ABTB3: variants seen among roughly 807,000 people sequenced by gnomAD.
The protein encoded by ABTB3 is ankyrin repeat- and BTB/POZ domain-containing protein 3.
At chr12:107,515,833 A>T in the ABTB3 span, among the ~76,000 whole-genome samples, 1 of 152,186 alleles carries the variant, frequency 6.6e-6, no homozygotes, top group African/African-American at 2.4e-5. Context: ...AATCTGTGTC[A>T]TAGCCCACAG....
At chr12:107,488,363 A>G in the ABTB3 span, among the ~76,000 whole-genome samples, 1 of 152,188 alleles carries the variant, frequency 6.6e-6, no homozygotes, top group South Asian at 2.1e-4. Context: ...TATGAATTAT[A>G]TCTCAGTAAA....
chr12:107,349,315 G>T, the ABTB3 span, among the ~76,000 whole-genome samples: 1 of 152,218 alleles, frequency 6.6e-6, no homozygotes. Context: ...CCAAGAGGAG[G>T]AATGTGGGGC....
the ABTB3 span, among the ~76,000 whole-genome samples, chr12:107,568,182 T>G: frequency 6.6e-6 from 1 of 152,212 alleles, no homozygotes; most frequent in Non-Finnish European, 1.5e-5. Flanking sequence ...CAAATAATTG[T>G]GATATTCTGT....
the ABTB3 span, chr12:107,581,078 G>C: frequency 6.5e-7 from 1 of 1,545,394 alleles, no homozygotes; most frequent in East Asian, 2.5e-5. Context: ...CGAGCAGGGG[G>C]TGGGGCCAAG....
At chr12:107,318,665 GC>G in the ABTB3 span, 1 of 446,972 alleles carries the variant, frequency 2.2e-6, no homozygotes. Flanking sequence ...AAAGGGGCAA[GC>G]CCCGGCGGGA....
the ABTB3 span, chr12:107,610,529 A>G: frequency 4.9e-5 from 32 of 646,954 alleles, no homozygotes; most frequent in Non-Finnish European, 2.0e-5. Flanking sequence ...AATATCTTAT[A>G]AAAATACTGT....
chr12:107,519,986 A>C, the ABTB3 span, among the ~76,000 whole-genome samples: 1 of 152,182 alleles, frequency 6.6e-6, no homozygotes. Flanking sequence ...AGCTCCACAG[A>C]GAAAGCCAGA....
chr12:107,532,407 A>G, the ABTB3 span, among the ~76,000 whole-genome samples: 1 of 152,240 alleles, frequency 6.6e-6, no homozygotes, highest in Non-Finnish European at 1.5e-5. Context: ...TAAGCTAGTG[A>G]GGAACATGCA....
At chr12:107,541,449 C>G in the ABTB3 span, among the ~76,000 whole-genome samples, 1 of 152,202 alleles carries the variant, frequency 6.6e-6, no homozygotes, top group Non-Finnish European at 1.5e-5. Context: ...CTCTCTTTCT[C>G]TGTAGCGAGA....
At chr12:107,512,354 C>G in the ABTB3 span, among the ~76,000 whole-genome samples, 1 of 152,158 alleles carries the variant, frequency 6.6e-6, no homozygotes, top group Non-Finnish European at 1.5e-5. Context: ...CTGTGAGCTT[C>G]CTAGTAGGAG....
the ABTB3 span, among the ~76,000 whole-genome samples, chr12:107,623,503 A>C: frequency 6.6e-6 from 1 of 151,110 alleles, no homozygotes; most frequent in Non-Finnish European, 1.5e-5. Flanking sequence ...AGTAGCTGGG[A>C]TTACAGGCAC....
At chr12:107,449,222 G>T in the ABTB3 span, among the ~76,000 whole-genome samples, 1 of 152,188 alleles carries the variant, frequency 6.6e-6, no homozygotes, top group Non-Finnish European at 1.5e-5. Flanking sequence ...ATCAGAAGGT[G>T]CTATTGGGAC....
At chr12:107,559,853 A>ATT in the ABTB3 span, among the ~76,000 whole-genome samples, 25 of 149,414 alleles carry the variant, frequency 1.7e-4, no homozygotes, top group South Asian at 2.1e-4. Context: ...TATGAATTCA[A>ATT]TTTTTTTTTT....
At chr12:107,640,238 C>T in the ABTB3 span, 2 of 894,054 alleles carry the variant, frequency 2.2e-6, no homozygotes, top group South Asian at 3.7e-5. Flanking sequence ...CTTATTTGCA[C>T]TTTCTACAAG....
the ABTB3 span, among the ~76,000 whole-genome samples, chr12:107,471,744 A>C: frequency 6.6e-6 from 1 of 152,112 alleles, no homozygotes; most frequent in Non-Finnish European, 1.5e-5. Flanking sequence ...AGGAGGAAGA[A>C]CACCCCTCAC....
chr12:107,498,102 C>T, the ABTB3 span, among the ~76,000 whole-genome samples: 33 of 152,176 alleles, frequency 2.2e-4, no homozygotes, highest in Admixed American at 1.8e-3. Flanking sequence ...ACGCCAACAG[C>T]ATTTCTGAAA....
chr12:107,617,786 C>T, the ABTB3 span: 9 of 362,042 alleles, frequency 2.5e-5, no homozygotes, highest in Admixed American at 1.3e-4. Flanking sequence ...GGTGACTTCC[C>T]TTCTACATCT....
At chr12:107,363,159 G>A in the ABTB3 span, among the ~76,000 whole-genome samples, 1 of 152,212 alleles carries the variant, frequency 6.6e-6, no homozygotes, top group African/African-American at 2.4e-5. Flanking sequence ...GCCCCTCACT[G>A]CGTTGGGGCA....
At chr12:107,545,982 CT>C in the ABTB3 span, among the ~76,000 whole-genome samples, 3 of 152,230 alleles carry the variant, frequency 2.0e-5, no homozygotes, top group African/African-American at 7.2e-5. Flanking sequence ...GCTCCAGAAC[CT>C]TTTCATCTCA....
Sources: allele counts gnomAD v4.1 joint callset (sites outside exome capture counted in the v4.1 genomes callset), GRCh38; gene constraint gnomAD v4.1.1; transcripts MANE v1.5; gene names NCBI Gene and HGNC (gene_info 2026-07-23, HGNC 2026-07-21).